SLC15A5: variants seen among roughly 807,000 people sequenced by gnomAD.
SLC15A5 encodes solute carrier family 15 member 5.
SLC15A5 carries 58 observed loss-of-function variants against 56.1 expected under a neutral mutation model. The observed-to-expected ratio is 1.03, with a 90% CI of 0.84 to 1.29. The LOEUF (loss-of-function observed/expected upper bound fraction) is 1.29. Among genes scored for constraint, SLC15A5 ranks in the 50% most tolerant of loss-of-function variants. The pLI is 0.00. For synonymous variants in SLC15A5, 264 were observed against 250.5 expected (o/e 1.05, Z -0.51); for missense variants, 681 against 672.1 (o/e 1.01, Z -0.15).
intron 7 of SLC15A5, among the ~76,000 whole-genome samples, chr12:16,202,702 A>G (rs991135581): frequency 3.9e-5 from 6 of 152,176 alleles, no homozygotes; most frequent in Non-Finnish European, 7.3e-5. Flanking sequence ...TAGCTAAGAT[A>G]TGAACACAAC....
In SLC15A5 at chr12:16,244,651, C is replaced by A; in HGVS notation, c.904G>T (p.Asp302Tyr). ...GGCYSELHVE[D>Y]TTFFLTLLPL... ...AGAAGGGTGAGGAAAAATGTTGTGT[C>A]TTCTACATGGAGCTCACTGTAGCAG... Residue 302 changes from aspartate to tyrosine, a missense_variant, in exon 4 of 9, where the codon GAC becomes TAC. Asp to Tyr is a radical substitution (Grantham distance 160). Transcript: ENST00000344941. The A allele has an allele frequency of 6.5e-7, 1 of 1,537,602 alleles. No individual in the cohort carries two copies. The highest frequency in any genetic ancestry group is 2.4e-5 in the East Asian group (1 of 40,904).
chr12:16,249,814 G>A (rs748618808), intron 3 of SLC15A5, among the ~76,000 whole-genome samples: 1 of 152,046 alleles, frequency 6.6e-6, no homozygotes, highest in Non-Finnish European at 1.5e-5. Flanking sequence ...ATGCATATGT[G>A]TGTGCGTATT....
At chr12:16,236,730 G>A (rs1436800060) in intron 5 of SLC15A5, among the ~76,000 whole-genome samples, 5 of 152,078 alleles carry the variant, frequency 3.3e-5, no homozygotes, top group Admixed American at 3.3e-4. Context: ...AGGAGAATAC[G>A]AATACCTGGA....
At chr12:16,257,022 CAAAA>C (rs765715835) in intron 3 of SLC15A5, among the ~76,000 whole-genome samples, 6 of 151,554 alleles carry the variant, frequency 4.0e-5, no homozygotes, top group Non-Finnish European at 7.4e-5. Flanking sequence ...AACTATAAAA[CAAAA>C]AAACAAATTT....
At chr12:16,249,293 C>A (rs1479589852) in intron 3 of SLC15A5, among the ~76,000 whole-genome samples, 2 of 152,058 alleles carry the variant, frequency 1.3e-5, no homozygotes. Context: ...AAAATCATTT[C>A]TTTAAGGTCA....
intron 7 of SLC15A5, among the ~76,000 whole-genome samples, chr12:16,213,576 T>A (rs1864103415): frequency 6.6e-6 from 1 of 152,194 alleles, no homozygotes; most frequent in African/African-American, 2.4e-5. Context: ...TGCTACTACA[T>A]CTTCTATTTT....
chr12:16,243,127 A>G lies in SLC15A5; in HGVS notation c.975+1453T>C, dbSNP rs1463429209. Among the ~76,000 whole-genome samples, 1 of 152,208 alleles carries G rather than the reference A, an allele frequency of 6.6e-6. No homozygotes were observed. Among genetic ancestry groups the G allele is most frequent in the Non-Finnish European group, 1.5e-5 (1 of 68,042 alleles). On this transcript the variant is annotated intron_variant, in intron 4 of 8. Transcript: ENST00000344941. The surrounding 1 kb of genome is among the most constrained non-coding windows in gnomAD (Gnocchi z 4.4). ...GTGCATAAGCAGACATAGATACGAC[A>G]AAACAAAGAGCATGGCTATGTTCTG...
At chr12:16,274,622 G>C (rs1864798051) in intron 1 of SLC15A5, among the ~76,000 whole-genome samples, 1 of 152,044 alleles carries the variant, frequency 6.6e-6, no homozygotes, top group African/African-American at 2.4e-5. Context: ...AGTTTGAAAT[G>C]TTCCCTTTTA....
At chr12:16,218,115 T>G (rs1864148045) in intron 6 of SLC15A5, among the ~76,000 whole-genome samples, 1 of 152,082 alleles carries the variant, frequency 6.6e-6, no homozygotes. Flanking sequence ...AAAAAAGATG[T>G]GAATGAGAGT....
intron 7 of SLC15A5, among the ~76,000 whole-genome samples, chr12:16,207,855 G>A (rs914353631): frequency 2.0e-5 from 3 of 152,074 alleles, no homozygotes; most frequent in Non-Finnish European, 4.4e-5. Context: ...GTTTCACCAT[G>A]TTGGCCAGGC....
intron 7 of SLC15A5, among the ~76,000 whole-genome samples, chr12:16,195,612 G>A (rs1863886803): frequency 6.6e-6 from 1 of 152,050 alleles, no homozygotes; most frequent in Non-Finnish European, 1.5e-5. Context: ...TACAATGGAA[G>A]GTGAAGAGGG....
At chr12:16,264,884 C>G (rs1264440767) in intron 2 of SLC15A5, among the ~76,000 whole-genome samples, 1 of 152,174 alleles carries the variant, frequency 6.6e-6, no homozygotes, top group African/African-American at 2.4e-5. Flanking sequence ...CAAATTAAAC[C>G]TCTTTCTTTT....
At chr12:16,264,629 G>A (rs1864675560) in intron 2 of SLC15A5, among the ~76,000 whole-genome samples, 1 of 152,150 alleles carries the variant, frequency 6.6e-6, no homozygotes, top group Non-Finnish European at 1.5e-5. Flanking sequence ...TCATCTTGTA[G>A]CTCCCATATT....
At chr12:16,249,098 T>TA (rs1042432272) in intron 3 of SLC15A5, among the ~76,000 whole-genome samples, 4 of 151,764 alleles carry the variant, frequency 2.6e-5, no homozygotes, top group African/African-American at 4.8e-5. Context: ...TAATTATAAT[T>TA]AAAAAAAAGC....
chr12:16,251,618 C>T (rs552138836), intron 3 of SLC15A5, among the ~76,000 whole-genome samples: 1 of 151,754 alleles, frequency 6.6e-6, no homozygotes, highest in African/African-American at 2.4e-5. Context: ...AAGACTGAAT[C>T]ATGACAAAAT....
chr12:16,215,968 G>A (rs1864127022), intron 7 of SLC15A5, among the ~76,000 whole-genome samples: 1 of 152,082 alleles, frequency 6.6e-6, no homozygotes, highest in African/African-American at 2.4e-5. Context: ...AATATTTTTC[G>A]AATGGAGGTT....
chr12:16,204,911 A>G (rs1021493028), intron 7 of SLC15A5, among the ~76,000 whole-genome samples: 11 of 152,160 alleles, frequency 7.2e-5, no homozygotes, highest in Admixed American at 2.0e-4. Context: ...GATAAATGCA[A>G]TGAAATTAAT....
intron 5 of SLC15A5, among the ~76,000 whole-genome samples, chr12:16,224,943 G>A (rs1214097698): frequency 7.2e-6 from 1 of 138,404 alleles, no homozygotes; most frequent in African/African-American, 2.7e-5. Context: ...TATTCTCATT[G>A]TTCAATTCCC....
chr12:16,223,797 C>T (rs1289010666), intron 6 of SLC15A5, among the ~76,000 whole-genome samples: 1 of 150,136 alleles, frequency 6.7e-6, no homozygotes, highest in Non-Finnish European at 1.5e-5. Flanking sequence ...CTCACTGCAA[C>T]CTCCGCCTCC....
Sources: gnomAD v4.1 joint callset for allele counts (sites outside exome capture counted in the v4.1 genomes callset) on GRCh38, gnomAD v4.1.1 for gene constraint, Gnocchi (gnomAD v3.1) non-coding constraint, MANE v1.5 for transcripts, NCBI Gene and HGNC (gene_info 2026-07-23, HGNC 2026-07-21) for gene names.